Variants in RCSD1 observed in about 807,000 individuals in gnomAD.
RCSD1 encodes RCSD domain containing 1.
Under a neutral mutation model 42.5 loss-of-function variants are expected in RCSD1, and 26 were observed. The observed-to-expected ratio is 0.61, with a 90% CI of 0.45 to 0.85. The LOEUF is 0.85. Among genes scored for constraint, RCSD1 ranks in the 40% least tolerant of loss-of-function variants. RCSD1 has a pLI of 0.00. For synonymous variants in RCSD1, 220 were observed against 212.2 expected, an observed-to-expected ratio of 1.04 and a Z score of -0.32; for missense variants, 571 against 528.3, an observed-to-expected ratio of 1.08 and a Z score of -0.79.
At chr1:167,639,369 T>C (rs950788898) in intron 1 of RCSD1, among the ~76,000 whole-genome samples, 1 of 152,232 alleles carries the variant, frequency 6.6e-6, no homozygotes, top group African/African-American at 2.4e-5. Flanking sequence ...ATTGTCTTCT[T>C]GGCTCTCTGA....
intron 1 of RCSD1, among the ~76,000 whole-genome samples, chr1:167,647,765 C>T (rs976893102): frequency 1.9e-4 from 29 of 152,090 alleles, no homozygotes; most frequent in Non-Finnish European, 2.9e-4. Context: ...AACGATAAGA[C>T]CACAACCAAT....
At chr1:167,648,449 C>T (rs1354717455) in intron 1 of RCSD1, among the ~76,000 whole-genome samples, 3 of 152,156 alleles carry the variant, frequency 2.0e-5, no homozygotes, top group Non-Finnish European at 4.4e-5. Context: ...CTGGTGTGTA[C>T]AATTGCAGGC....
chr1:167,665,182 C>T (rs1050869144), intron 1 of RCSD1: 15 of 152,132 alleles, frequency 9.9e-5, no homozygotes, highest in Admixed American at 9.2e-4. Context: ...TATAGTTTTG[C>T]CTTTTAAAGA....
At chr1:167,693,884 G>T (rs1571104050) in intron 4 of RCSD1, among the ~76,000 whole-genome samples, 1 of 149,754 alleles carries the variant, frequency 6.7e-6, no homozygotes, top group East Asian at 1.9e-4. Flanking sequence ...TTGGAATGCA[G>T]CCTGTGGCAA....
chr1:167,675,542 G>A (rs189581556), intron 1 of RCSD1, among the ~76,000 whole-genome samples: 34 of 152,228 alleles, frequency 2.2e-4, no homozygotes, highest in Non-Finnish European at 3.4e-4. Context: ...AGATTTGGGC[G>A]GGGACACAGC....
At chr1:167,647,152 G>A (rs573904441) in intron 1 of RCSD1, among the ~76,000 whole-genome samples, 112 of 129,746 alleles carry the variant, frequency 8.6e-4, no homozygotes, top group Non-Finnish European at 1.4e-3. Context: ...GAGAGAGAAG[G>A]GGGTAGAGGC....
At chr1:167,688,661 G>A (rs1359203608) in intron 3 of RCSD1, among the ~76,000 whole-genome samples, 2 of 152,244 alleles carry the variant, frequency 1.3e-5, no homozygotes, top group African/African-American at 4.8e-5. Flanking sequence ...GTGTTGGGCT[G>A]TAAAAAGATC....
chr1:167,684,007 T>A lies in RCSD1; in HGVS notation c.108+6T>A, dbSNP rs372602703. On this transcript the variant is annotated splice_donor_region_variant and intron_variant, in intron 2 of 6. Coordinates refer to ENST00000367854, the MANE Select transcript of RCSD1 (RefSeq NM_052862.4). ...AGGCGGCTGCAGCCAAGGAGGTGAG[T>A]CAGGCCGCTTCAGAGCAGCCTCTTC... The A allele has an allele frequency of 9.3e-6, 15 of 1,608,948 alleles. No homozygotes were observed. The highest frequency in any genetic ancestry group is 2.7e-5 in the African/African-American group (2 of 74,848).
intron 1 of RCSD1, among the ~76,000 whole-genome samples, chr1:167,668,525 A>T (rs1658715854): frequency 6.6e-6 from 1 of 152,058 alleles, no homozygotes; most frequent in African/African-American, 2.4e-5. Context: ...CTGCTCTCCT[A>T]AAACCCTTTT....
intron 1 of RCSD1, among the ~76,000 whole-genome samples, chr1:167,674,194 C>T (rs1207706097): frequency 1.3e-5 from 2 of 152,208 alleles, no homozygotes; most frequent in African/African-American, 2.4e-5. Flanking sequence ...TCAAGCCAGA[C>T]CCTTCACAGG....
At chr1:167,694,557 G>A (rs545046499) in intron 5 of RCSD1, among the ~76,000 whole-genome samples, 1 of 152,284 alleles carries the variant, frequency 6.6e-6, no homozygotes, top group African/African-American at 2.4e-5. Context: ...CAAGCCTGGG[G>A]GATGGCGTGC....
rs1046609361 is a variant in RCSD1 at position 167,706,459 on chromosome 1, G to A, written c.*1763G>A. Among the ~76,000 whole-genome samples the A allele has an allele frequency of 6.6e-6, 1 of 150,474 alleles. No individual in the cohort carries two copies. The highest frequency in any genetic ancestry group is 6.6e-5 in the Admixed American group (1 of 15,256). On this transcript the variant is annotated 3_prime_UTR_variant, in exon 7 of 7. Transcript: ENST00000367854. ...TGTGAATATGTGCATGATTGTGAATGTGTGATGAAAAGGGCCACTTTACTT... is the reference window on the plus strand; with the variant it reads ...TGTGAATATGTGCATGATTGTGAATATGTGATGAAAAGGGCCACTTTACTT...
intron 3 of RCSD1, among the ~76,000 whole-genome samples, chr1:167,687,522 CAAAA>C (rs111700732): frequency 1.1e-5 from 1 of 88,516 alleles, no homozygotes; most frequent in Non-Finnish European, 2.6e-5. Flanking sequence ...GACTCCGTCT[CAAAA>C]AAAAAAAAAA....
chr1:167,674,940 C>T (rs2152870), intron 1 of RCSD1, among the ~76,000 whole-genome samples: 81,524 of 151,914 alleles, frequency 0.54, 23,888 homozygotes, highest in Non-Finnish European at 0.68. Flanking sequence ...GGTGCGGTGG[C>T]TCACACCTGT....
At chr1:167,688,755 T>C (rs1659302135) in intron 3 of RCSD1, among the ~76,000 whole-genome samples, 1 of 152,192 alleles carries the variant, frequency 6.6e-6, no homozygotes, top group Non-Finnish European at 1.5e-5. Flanking sequence ...AGAATCTTCC[T>C]AAGAGATCAG....
chr1:167,669,014 T>A (rs1229363), intron 1 of RCSD1, among the ~76,000 whole-genome samples: 10 of 152,130 alleles, frequency 6.6e-5, no homozygotes, highest in African/African-American at 9.7e-5. Context: ...TCTGAATCCC[T>A]TTATTTTTCT....
chr1:167,696,185 C>T (rs533952442), intron 5 of RCSD1, among the ~76,000 whole-genome samples: 1 of 152,042 alleles, frequency 6.6e-6, no homozygotes, highest in Non-Finnish European at 1.5e-5. Flanking sequence ...AGGTCTCTAA[C>T]CCTCTTCTCG....
chr1:167,666,883 A>G (rs978431968), intron 1 of RCSD1, among the ~76,000 whole-genome samples: 1 of 152,200 alleles, frequency 6.6e-6, no homozygotes, highest in South Asian at 2.1e-4. Flanking sequence ...TTCTTTAAAC[A>G]TCATGAGTTT....
rs186993523 is a variant in RCSD1 at position 167,690,098 on chromosome 1, C to T, written c.248C>T (p.Ser83Leu). 47 of 1,614,116 alleles carry T rather than the reference C, an allele frequency of 2.9e-5. No individual in the cohort carries two copies. In the Admixed American group the frequency reaches 3.8e-4, roughly 13 times the overall value. Residue 83 changes from serine to leucine, a missense_variant, in exon 4 of 7, where the codon TCG (serine) becomes TTG (leucine). Ser to Leu is a moderately radical substitution (Grantham distance 145). Transcript: ENST00000367854. ...CCTCCTAAATTCAAGGTCAAGAGCT[C>T]GCCTCTGATTGAGAAGCTTCAGGTA... ...SHPPKFKVKS[S>L]PLIEKLQANL...
Sources: gnomAD v4.1 joint callset for allele counts (sites outside exome capture counted in the v4.1 genomes callset) on GRCh38, gnomAD v4.1.1 for gene constraint, MANE v1.5 for transcripts, NCBI Gene and HGNC (gene_info 2026-07-23, HGNC 2026-07-21) for gene names.